MGAT5B: variants seen among roughly 807,000 people sequenced by gnomAD.
MGAT5B encodes N-acetylglucosaminyl-transferase Vb.
MGAT5B carries 54 observed loss-of-function variants against 95.1 expected under a neutral mutation model. The observed-to-expected ratio is 0.57, with a 90% confidence interval of 0.46 to 0.71. MGAT5B has a LOEUF of 0.71. Ranked by LOEUF, MGAT5B falls within the 30% of genes least tolerant of loss-of-function variation. The pLI, the probability that MGAT5B is intolerant of heterozygous loss-of-function variation, is 0.00. For synonymous variants in MGAT5B, 464 were observed against 451.0 expected (o/e 1.03, Z -0.36); for missense variants, 935 against 1,088.6 (o/e 0.86, Z 1.99).
chr17:76,873,681 GC>G (rs1458291112), intron 2 of MGAT5B, among the ~76,000 whole-genome samples: 1 of 152,188 alleles, frequency 6.6e-6, no homozygotes, highest in Admixed American at 6.5e-5. Flanking sequence ...GCTGGGCCCA[GC>G]CCCACCTCAT....
At chr17:76,946,925 A>T (rs73999243) in intron 16 of MGAT5B, among the ~76,000 whole-genome samples, 32,501 of 152,106 alleles carry the variant, frequency 0.21, 3,711 homozygotes, top group Admixed American at 0.29. Flanking sequence ...CCCCCGAGGG[A>T]GCGCCTGGGC....
In MGAT5B at chr17:76,930,030, G is replaced by A. The variant is rs192202095; in HGVS notation, c.1292-2615G>A. On this transcript the variant is annotated intron_variant, in intron 10 of 17. Transcript: ENST00000569840. The surrounding 1 kb of genome is among the most constrained non-coding windows in gnomAD (Gnocchi z 4.1). ...CCAGAGGGGAGGGGAAGATGGTGCC[G>A]GACAGGTAAACAGGGTCGGGCAGGG... 7.4e-4 allele frequency among the ~76,000 whole-genome samples: 112 copies of A among 152,210 alleles called. No individual in the cohort carries two copies. The highest frequency in any genetic ancestry group is 2.4e-3 in the African/African-American group (98 of 41,538).
At chr17:76,880,423 G>T (rs1259140241) in intron 2 of MGAT5B, among the ~76,000 whole-genome samples, 1 of 152,184 alleles carries the variant, frequency 6.6e-6, no homozygotes, top group Non-Finnish European at 1.5e-5. Flanking sequence ...GGCAGCAGTG[G>T]CTGGGCCAGC....
At chr17:76,932,078 C>CTGT (rs1299918331) in intron 10 of MGAT5B, among the ~76,000 whole-genome samples, 6 of 88,180 alleles carry the variant, frequency 6.8e-5, no homozygotes, top group Admixed American at 2.8e-4. Context: ...CCTCCTCCTC[C>CTGT]TCCTCCTCCC....
At chr17:76,877,840 G>A (rs1227824264) in intron 2 of MGAT5B, among the ~76,000 whole-genome samples, 1 of 152,110 alleles carries the variant, frequency 6.6e-6, no homozygotes. Context: ...AAAGGGGGAC[G>A]AAGGAGGATG....
intron 12 of MGAT5B, among the ~76,000 whole-genome samples, chr17:76,934,220 C>T (rs1025016622): frequency 6.6e-6 from 1 of 152,218 alleles, no homozygotes. Context: ...TAAGGGCTCA[C>T]GTGCATCTCT....
chr17:76,912,722 G>A lies in MGAT5B; in HGVS notation c.1025+6535G>A, dbSNP rs74653617. On this transcript the variant is annotated intron_variant, in intron 8 of 17. Transcript: ENST00000569840. The surrounding 1 kb of genome is among the most constrained non-coding windows in gnomAD (Gnocchi z 5.0). ...TTTGCTGCTGCAAGATGCTTCCGGG[G>A]TGAGGGAGGTGGCACGAGGGAGCCG... Among the ~76,000 whole-genome samples, 1 of 152,156 alleles carries A rather than the reference G, an allele frequency of 6.6e-6. No homozygotes were observed. Among genetic ancestry groups the A allele is most frequent in the African/African-American group, 2.4e-5 (1 of 41,428 alleles).
At chr17:76,902,711 GC>G in intron 4 of MGAT5B, 41 bp downstream of exon 4, 1 of 1,158,566 alleles carries the variant, frequency 8.6e-7, no homozygotes, top group Non-Finnish European at 1.2e-6. Context: ...CCCCTAGGGG[GC>G]CAATGAACTG....
At chr17:76,904,019 GTCTCTCC>G (rs1022024922) in intron 5 of MGAT5B, among the ~76,000 whole-genome samples, 30 of 152,224 alleles carry the variant, frequency 2.0e-4, no homozygotes, top group African/African-American at 7.2e-4. Context: ...TTCTCTCCCA[GTCTCTCC>G]TCTTTCCAGA....
chr17:76,910,585 C>T (rs1968698292), intron 8 of MGAT5B, among the ~76,000 whole-genome samples: 1 of 152,376 alleles, frequency 6.6e-6, no homozygotes, highest in African/African-American at 2.4e-5. Flanking sequence ...ATGCATGCTC[C>T]TGCATGTGCA....
rs970346080 is a variant in MGAT5B at position 76,916,077 on chromosome 17, G to T, written c.1026-8889G>T. Among the ~76,000 whole-genome samples the T allele has an allele frequency of 1.3e-5, 2 of 150,320 alleles. No homozygotes were observed. Among genetic ancestry groups the T allele is most frequent in the Non-Finnish European group, 2.9e-5 (2 of 67,994 alleles). On this transcript the variant is annotated intron_variant, in intron 8 of 17. Transcript: ENST00000569840. This position sits in a 1 kb window ranked among gnomAD's most constrained non-coding sequence, Gnocchi z 5.3. ...CAAATGTCGTGGGCCTCTGCTGCTG[G>T]GGCCTGGGGCTGCCCTGGCCCCTGC... is the stretch of plus-strand genomic sequence containing the variant.
chr17:76,895,534 G>A (rs1968035520), intron 3 of MGAT5B, among the ~76,000 whole-genome samples: 1 of 152,166 alleles, frequency 6.6e-6, no homozygotes, highest in African/African-American at 2.4e-5. Flanking sequence ...CAAGACGTCA[G>A]CAGGCAGTGC....
In MGAT5B at chr17:76,902,561, C is replaced by A; in HGVS notation, c.336C>A (p.Pro112=). ...GDLHFPADRM[P]PGAGLMERIQ... ...TCTGGCTTTTCCCACTTAGGATGCC[C>A]CCTGGGGCCGGCCTCATGGAGCGGA... The change falls in exon 4 of 18, where the codon CCC becomes CCA. Residue 112 remains proline (P), a synonymous_variant. Coordinates refer to ENST00000569840, the MANE Select transcript of MGAT5B (RefSeq NM_001199172.2). 1 of 1,587,992 alleles carries A rather than the reference C, an allele frequency of 6.3e-7. No individual in the cohort carries two copies. The highest frequency in any genetic ancestry group is 8.6e-7 in the Non-Finnish European group (1 of 1,166,090).
At position 76,931,549 on chromosome 17, in the gene MGAT5B, G is replaced by A. The variant is rs144884606; in HGVS notation, c.1292-1096G>A. ...CATGAGCACAGTTCTGTATGGAGAG[G>A]GGTTGTGTCCAGCAGGGCTCTGGGT... On this transcript the variant is annotated intron_variant, in intron 10 of 17. Transcript: ENST00000569840. Among the ~76,000 whole-genome samples, 455 of 152,344 alleles carry A rather than the reference G, an allele frequency of 3.0e-3. 2 individuals carry two copies. The highest frequency in any genetic ancestry group is 4.9e-3 in the Non-Finnish European group (334 of 68,030).
At chr17:76,933,229 C>T (rs1026117056) in intron 11 of MGAT5B, 63 bp from the exon 12 acceptor site, 9 of 1,595,220 alleles carry the variant, frequency 5.6e-6, no homozygotes, top group Admixed American at 1.7e-5. Flanking sequence ...GTGTTGTCTG[C>T]GAATCATCAC....
intron 8 of MGAT5B, among the ~76,000 whole-genome samples, chr17:76,921,148 T>TCACAAGTCTAGA (rs778801265): frequency 2.0e-5 from 3 of 152,138 alleles, no homozygotes; most frequent in Non-Finnish European, 4.4e-5. Flanking sequence ...AAGAGTCTTC[T>TCACAAGTCTAGA]AGACCCAGGG....
chr17:76,929,268 T>G (rs1335999621), intron 10 of MGAT5B, among the ~76,000 whole-genome samples: 4 of 152,298 alleles, frequency 2.6e-5, no homozygotes, highest in African/African-American at 9.6e-5. Context: ...AAGAGGCTTC[T>G]GCAATATCCT....
At chr17:76,877,996 G>T (rs1482365200) in intron 2 of MGAT5B, among the ~76,000 whole-genome samples, 1 of 152,150 alleles carries the variant, frequency 6.6e-6, no homozygotes, top group African/African-American at 2.4e-5. Context: ...TGGAGGGAAC[G>T]TGTGCCTGTT....
chr17:76,887,506 C>CCTCCCTCCCTCCCTCT (rs1967694597), intron 3 of MGAT5B, among the ~76,000 whole-genome samples: 1 of 65,348 alleles, frequency 1.5e-5, no homozygotes, highest in Admixed American at 1.9e-4. Context: ...TTCCTCTCTC[C>CCTCCCTCCCTCCCTCT]CTCCCTCCCT....
Sources: allele counts gnomAD v4.1 joint callset (sites outside exome capture counted in the v4.1 genomes callset), GRCh38; gene constraint gnomAD v4.1.1; non-coding constraint Gnocchi (gnomAD v3.1); transcripts MANE v1.5; gene names NCBI Gene and HGNC (gene_info 2026-07-23, HGNC 2026-07-21).